PHACTR4: variants seen among roughly 807,000 people sequenced by gnomAD.
The protein encoded by PHACTR4 is protein phosphatase 1, regulatory subunit 124.
A neutral mutation model predicts 72.7 loss-of-function variants in PHACTR4; 51 were observed. The observed-to-expected ratio is 0.70, with a 90% CI of 0.56 to 0.89. The LOEUF (loss-of-function observed/expected upper bound fraction) is 0.89. Among genes scored for constraint, PHACTR4 ranks in the 40% least tolerant of loss-of-function variants. The pLI is 0.00. For synonymous variants in PHACTR4, 255 were observed against 302.5 expected, an observed-to-expected ratio of 0.84 and a Z score of 1.63; for missense variants, 731 against 861.8, an observed-to-expected ratio of 0.85 and a Z score of 1.90.
Position 28,400,768 on chromosome 1 carries a change from C to T in PHACTR4, c.-38-6642C>T, listed in dbSNP as rs923326964. ...CTAATTTTTGTAGTTTTAGTAGAGA[C>T]GGGGTTTCCCTATGTTGGCCAGGCT... On this transcript the variant is annotated intron_variant, in intron 1 of 13. Coordinates refer to ENST00000373839, the MANE Select transcript of PHACTR4 (RefSeq NM_001048183.3). Among the ~76,000 whole-genome samples the T allele has an allele frequency of 7.2e-5, 11 of 152,126 alleles. No homozygotes were observed. The East Asian group carries it at 7.8e-4, about 11-fold the overall frequency.
intron 2 of PHACTR4, among the ~76,000 whole-genome samples, chr1:28,441,815 G>GTTTTGTA (rs1657054887): frequency 2.0e-5 from 3 of 151,826 alleles, no homozygotes; most frequent in South Asian, 4.2e-4. Context: ...GGCAACATAG[G>GTTTTGTA]GCAACACCGT....
chr1:28,390,801 G>T (rs1333423916), intron 1 of PHACTR4, among the ~76,000 whole-genome samples: 1 of 149,558 alleles, frequency 6.7e-6, no homozygotes, highest in Non-Finnish European at 1.5e-5. Flanking sequence ...TCAAAAAATA[G>T]AAAAAATTCC....
At chr1:28,375,578 C>G (rs1255170547) in intron 1 of PHACTR4, among the ~76,000 whole-genome samples, 1 of 151,824 alleles carries the variant, frequency 6.6e-6, no homozygotes, top group Non-Finnish European at 1.5e-5. Context: ...CCCAGTTACT[C>G]AGGAAGCTGA....
At chr1:28,470,492 C>G (rs1193629134) in intron 6 of PHACTR4, among the ~76,000 whole-genome samples, 1 of 151,298 alleles carries the variant, frequency 6.6e-6, no homozygotes, top group Non-Finnish European at 1.5e-5. Context: ...GAGTTTGAGA[C>G]CAGCCTAGGC....
chr1:28,454,316 G>A (rs1658207380), intron 2 of PHACTR4, among the ~76,000 whole-genome samples: 1 of 122,830 alleles, frequency 8.1e-6, no homozygotes, highest in East Asian at 2.3e-4. Flanking sequence ...TCGCTCTGTC[G>A]CCCAGGCTGG....
intron 13 of PHACTR4, among the ~76,000 whole-genome samples, chr1:28,496,079 C>T (rs548294288): frequency 0.029 from 3,092 of 106,216 alleles, 48 homozygotes; most frequent in Middle Eastern, 0.07. Flanking sequence ...TTTTTTGAGA[C>T]GGAGTCTCGC....
chr1:28,439,195 G>A (rs1053143482), intron 2 of PHACTR4, among the ~76,000 whole-genome samples: 6 of 152,104 alleles, frequency 3.9e-5, no homozygotes. Flanking sequence ...GAAAGCCTGT[G>A]AATCATTTCT....
chr1:28,480,909 G>A (rs563340109), intron 9 of PHACTR4, among the ~76,000 whole-genome samples: 15 of 152,244 alleles, frequency 9.9e-5, no homozygotes, highest in African/African-American at 2.9e-4. Flanking sequence ...GGCTGGTCTC[G>A]AACTGCTGGC....
chr1:28,428,196 TCC>T (rs1655995436), intron 2 of PHACTR4, among the ~76,000 whole-genome samples: 1 of 152,204 alleles, frequency 6.6e-6, no homozygotes, highest in South Asian at 2.1e-4. Context: ...TTTCCCCTTT[TCC>T]TTCATCCCAC....
chr1:28,445,016 C>CACGATTTCAGCTCACTGCA (rs544604453), intron 2 of PHACTR4, among the ~76,000 whole-genome samples: 72 of 151,828 alleles, frequency 4.7e-4, no homozygotes, highest in African/African-American at 1.6e-3. Context: ...AGTGCAGTGG[C>CACGATTTCAGCTCACTGCA]ACGATTTCAG....
chr1:28,392,810 T>G (rs1163335061), intron 1 of PHACTR4, among the ~76,000 whole-genome samples: 1 of 152,186 alleles, frequency 6.6e-6, no homozygotes, highest in African/African-American at 2.4e-5. Context: ...TTTTTTTTGT[T>G]TTTTATGAAC....
rs151103263 is a variant in PHACTR4 at position 28,491,331 on chromosome 1, G to A, written c.1878+319G>A. On this transcript the variant is annotated intron_variant, in intron 11 of 13. Coordinates refer to ENST00000373839, the MANE Select transcript of PHACTR4 (RefSeq NM_001048183.3). ...ATATTAGCCAGGCATGGTGGTATGC[G>A]CCTGTAATATCAGCTACTTGGGAGG... Among the ~76,000 whole-genome samples the A allele has an allele frequency of 2.2e-3, 327 of 151,924 alleles. 1 individual carries two copies. The highest frequency in any genetic ancestry group is 0.021 in the South Asian group (101 of 4,800).
chr1:28,418,808 G>A (rs915730274), intron 2 of PHACTR4, among the ~76,000 whole-genome samples: 1 of 151,210 alleles, frequency 6.6e-6, no homozygotes, highest in Non-Finnish European at 1.5e-5. Context: ...AAATTTAGCC[G>A]GGCATGATGG....
At chr1:28,475,999 A>AT (rs1010980981) in intron 7 of PHACTR4, 108 bp from the exon 8 acceptor site, 1 of 1,080,418 alleles carries the variant, frequency 9.3e-7, no homozygotes, top group African/African-American at 1.6e-5. Flanking sequence ...AAGTGCTGGG[A>AT]TTACAGCCAT....
intron 2 of PHACTR4, among the ~76,000 whole-genome samples, chr1:28,415,260 CAA>C (rs535288012): frequency 1.1e-4 from 12 of 110,310 alleles, no homozygotes; most frequent in East Asian, 2.6e-4. Flanking sequence ...GACTCTGTCT[CAA>C]AAAAAAAAAA....
intron 2 of PHACTR4, among the ~76,000 whole-genome samples, chr1:28,439,787 G>T (rs1006558220): frequency 1.3e-5 from 2 of 152,016 alleles, no homozygotes; most frequent in African/African-American, 4.8e-5. Flanking sequence ...TCCTATATTT[G>T]ATAAATAACT....
intron 1 of PHACTR4, among the ~76,000 whole-genome samples, chr1:28,376,832 T>C (rs963824047): frequency 2.7e-5 from 4 of 150,534 alleles, no homozygotes; most frequent in African/African-American, 9.8e-5. Context: ...AGAGACAGGG[T>C]TTCACTATGT....
intron 2 of PHACTR4, among the ~76,000 whole-genome samples, chr1:28,433,937 C>T (rs540964209): frequency 1.4e-4 from 22 of 151,874 alleles, no homozygotes; most frequent in Admixed American, 4.6e-4. Flanking sequence ...CCCGCCACCA[C>T]GCCCGGCTAA....
chr1:28,428,110 G>A (rs1333473068), intron 2 of PHACTR4, among the ~76,000 whole-genome samples: 1 of 152,178 alleles, frequency 6.6e-6, no homozygotes, highest in East Asian at 1.9e-4. Flanking sequence ...AAGGGACTTG[G>A]CAATGATTTG....
Sources: gnomAD v4.1 joint callset for allele counts (sites outside exome capture counted in the v4.1 genomes callset) on GRCh38, gnomAD v4.1.1 for gene constraint, MANE v1.5 for transcripts, NCBI Gene and HGNC (gene_info 2026-07-23, HGNC 2026-07-21) for gene names.